The following DENR variants were observed in gnomAD, a reference collection of about 807,000 sequenced individuals.
DENR encodes density regulated re-initiation and release factor, also known as density-regulated protein.
In DENR, 6 loss-of-function variants were observed where a neutral mutation model predicts 30.6. The observed-to-expected ratio is 0.20, with a 90% CI of 0.11 to 0.39. The LOEUF (loss-of-function observed/expected upper bound fraction) is 0.39, where lower values mean the gene tolerates loss of function less well. Ranked by LOEUF, DENR falls within the 10% of genes least tolerant of loss-of-function variation. DENR has a pLI of 1.00. For missense variants in DENR, 141 were observed against 230.9 expected (o/e 0.61, Z 2.52); for synonymous variants, 78 against 72.1 (o/e 1.08, Z -0.41).
chr12:122,758,694 T>C (rs1878614434), intron 2 of DENR, among the ~76,000 whole-genome samples: 1 of 152,100 alleles, frequency 6.6e-6, no homozygotes, highest in Non-Finnish European at 1.5e-5. Flanking sequence ...TAGTTCCAGC[T>C]ACTCGGAGGC....
In DENR at chr12:122,770,829, G is replaced by A. The variant is rs1879018216; in HGVS notation, c.*1751G>A. 1 of 397,148 alleles carries A rather than the reference G, an allele frequency of 2.5e-6. No homozygotes were observed. The highest frequency in any genetic ancestry group is 4.4e-6 in the Non-Finnish European group (1 of 225,778). 24.6% of individuals were successfully genotyped at this position (397,148 alleles called of 1,614,324 possible). Reference sequence around the variant, plus strand: ...AAAATGGAATTCTCCATTAACTGTGGATTTTACTAAATAGAATTACTGGTG... The same window carrying A: ...AAAATGGAATTCTCCATTAACTGTGAATTTTACTAAATAGAATTACTGGTG... On this transcript the variant is annotated 3_prime_UTR_variant, in exon 8 of 8. Transcript: ENST00000280557.
chr12:122,755,536 G>A (rs138826150), intron 2 of DENR, among the ~76,000 whole-genome samples: 36 of 152,270 alleles, frequency 2.4e-4, no homozygotes, highest in African/African-American at 7.9e-4. Context: ...CCGAGATCAC[G>A]CCATTGCACT....
At chr12:122,758,072 TTTTG>T (rs906569313) in intron 2 of DENR, among the ~76,000 whole-genome samples, 5 of 152,184 alleles carry the variant, frequency 3.3e-5, no homozygotes, top group South Asian at 2.1e-4. Context: ...GAAAGGCAGT[TTTTG>T]TTTGTTTGTT....
intron 5 of DENR, among the ~76,000 whole-genome samples, chr12:122,766,875 C>T (rs543146970): frequency 3.9e-5 from 6 of 152,290 alleles, no homozygotes; most frequent in Non-Finnish European, 8.8e-5. Flanking sequence ...TTCACAGATC[C>T]ACCGAAACAC....
rs532199215 is a variant in DENR at position 122,760,594 on chromosome 12, G to A, written c.107-1593G>A. Among the ~76,000 whole-genome samples, 138 of 152,272 alleles carry A rather than the reference G, an allele frequency of 9.1e-4. 2 individuals carry two copies. The highest frequency in any genetic ancestry group is 3.7e-3 in the Admixed American group (56 of 15,290). Reference sequence around the variant, plus strand: ...AAAATACAAAAAATTAGCCGGGCGCGGTGGCGGGCACCTGTAGTCCCAGCT... The same window carrying A: ...AAAATACAAAAAATTAGCCGGGCGCAGTGGCGGGCACCTGTAGTCCCAGCT... On this transcript the variant is annotated intron_variant, in intron 2 of 7. Coordinates refer to ENST00000280557, the MANE Select transcript of DENR (RefSeq NM_003677.5).
intron 2 of DENR, among the ~76,000 whole-genome samples, chr12:122,759,366 A>C (rs1878636090): frequency 6.6e-6 from 1 of 152,204 alleles, no homozygotes. Flanking sequence ...ACTTTTTTAA[A>C]GCAAATAATG....
intron 2 of DENR, among the ~76,000 whole-genome samples, chr12:122,756,959 AAATT>A (rs1041656754): frequency 1.3e-5 from 2 of 152,188 alleles, no homozygotes; most frequent in African/African-American, 4.8e-5. Context: ...GTTGAAAAAT[AAATT>A]ATGGTAGGAT....
chr12:122,757,793 C>G (rs546037589), intron 2 of DENR, among the ~76,000 whole-genome samples: 17 of 152,264 alleles, frequency 1.1e-4, no homozygotes, highest in Admixed American at 2.0e-4. Context: ...TTGGTTATAT[C>G]TTTTTGGATA....
At chr12:122,767,467 G>T in intron 5 of DENR, 21 bp from the exon 6 acceptor site, 1 of 1,429,098 alleles carries the variant, frequency 7.0e-7, no homozygotes, top group Non-Finnish European at 9.4e-7. Flanking sequence ...CTAAAGCTAA[G>T]CTCTTTCTTA....
At chr12:122,761,048 G>T (rs1047722390) in intron 2 of DENR, among the ~76,000 whole-genome samples, 6 of 151,188 alleles carry the variant, frequency 4.0e-5, no homozygotes, top group African/African-American at 1.5e-4. Flanking sequence ...AGGAGTTCGA[G>T]GCTGCAGTGA....
At chr12:122,764,308 T>A (rs1219407301) in intron 4 of DENR, among the ~76,000 whole-genome samples, 1 of 152,078 alleles carries the variant, frequency 6.6e-6, no homozygotes, top group Admixed American at 6.6e-5. Context: ...CTGCTAAGAA[T>A]AGACCAAAGA....
chr12:122,753,633 C>A, intron 1 of DENR, 60 bp from the exon 2 acceptor site: 2 of 1,332,576 alleles, frequency 1.5e-6, no homozygotes, highest in Non-Finnish European at 2.1e-6. Context: ...GAGAGGAACA[C>A]TGCTCTTCTG....
intron 2 of DENR, among the ~76,000 whole-genome samples, chr12:122,761,938 A>G (rs1878711313): frequency 6.6e-6 from 1 of 152,198 alleles, no homozygotes; most frequent in South Asian, 2.1e-4. Flanking sequence ...AAAATAGCAT[A>G]TTTTGATGTT....
intron 4 of DENR, 170 bp downstream of exon 4, chr12:122,763,099 T>C: frequency 1.8e-6 from 1 of 542,932 alleles, no homozygotes; most frequent in Admixed American, 3.7e-5. Context: ...ATATCAACTT[T>C]CTTACATAAA....
rs1878876953 is a variant in DENR, at chr12:122,767,352, TG to T, written c.296-135del. On this transcript the variant is annotated intron_variant, in intron 5 of 7. Transcript: ENST00000280557. ...AGGTACTTAATAAATGTTTATTGAA[TG>T]AATACTTGGATGTGTTTAGTAATTT... 8.5e-6 allele frequency: 5 copies of T among 591,592 alleles called. No individual in the cohort carries two copies. The Admixed American group carries it at 1.0e-4, about 12-fold the overall frequency. The allele number at this position is 591,592 out of a possible 1,614,324, so 36.6% of individuals were successfully genotyped here. A position where few individuals can be genotyped will look rare whatever the true frequency, so the allele number is the denominator to read the frequency against.
At chr12:122,761,104 G>A (rs994962468) in intron 2 of DENR, among the ~76,000 whole-genome samples, 1 of 151,792 alleles carries the variant, frequency 6.6e-6, no homozygotes, top group Admixed American at 6.6e-5. Context: ...CAGAGTGAGA[G>A]TGAGACCCTT....
At chr12:122,756,889 A>C (rs1259988340) in intron 2 of DENR, among the ~76,000 whole-genome samples, 2 of 152,218 alleles carry the variant, frequency 1.3e-5, no homozygotes, top group African/African-American at 2.4e-5. Context: ...GCCAGGCTAT[A>C]ATAAGACTTT....
chr12:122,767,347 T>C (rs868114807), intron 5 of DENR, 141 bp from the exon 6 acceptor site: 6 of 583,558 alleles, frequency 1.0e-5, no homozygotes, highest in African/African-American at 9.5e-5. Context: ...TAAATGTTTA[T>C]TGAATGAATA....
At chr12:122,762,961 C>T in intron 4 of DENR, 32 bp downstream of exon 4, 1 of 1,256,072 alleles carries the variant, frequency 8.0e-7, no homozygotes, top group South Asian at 1.4e-5. Flanking sequence ...CATTAAACTT[C>T]TGTACCTGAG....
Sources: allele counts gnomAD v4.1 joint callset (sites outside exome capture counted in the v4.1 genomes callset), GRCh38; gene constraint gnomAD v4.1.1; transcripts MANE v1.5; gene names NCBI Gene and HGNC (gene_info 2026-07-23, HGNC 2026-07-21).